The following LRMDA variants were observed in gnomAD, a reference collection of about 807,000 sequenced individuals.
LRMDA encodes leucine-rich melanocyte differentiation-associated protein.
A neutral mutation model predicts 29.8 loss-of-function variants in LRMDA; 18 were observed. The ratio of observed to expected loss-of-function variants is 0.60; its 90% CI spans 0.42 to 0.90. LRMDA has a LOEUF of 0.90. Ranked by LOEUF, LRMDA falls within the 40% of genes least tolerant of loss-of-function variation. The pLI, the probability that LRMDA is intolerant of heterozygous loss-of-function variation, is 0.00. For synonymous variants in LRMDA, 125 were observed against 109.4 expected (o/e 1.14, Z -0.89); for missense variants, 273 against 273.9 (o/e 1.00, Z 0.02).
At chr10:76,017,624 G>C (rs1847899773) in intron 2 of LRMDA, among the ~76,000 whole-genome samples, 1 of 152,214 alleles carries the variant, frequency 6.6e-6, no homozygotes, top group South Asian at 2.1e-4. Flanking sequence ...AAAGGTGTCT[G>C]TGTGGGAAGG....
chr10:76,079,463 C>T (rs764139445), intron 5 of LRMDA, among the ~76,000 whole-genome samples: 1 of 152,086 alleles, frequency 6.6e-6, no homozygotes, highest in Non-Finnish European at 1.5e-5. Context: ...GGGTGGGTCT[C>T]TTCAGATGTA....
intron 6 of LRMDA, among the ~76,000 whole-genome samples, chr10:76,467,807 G>A (rs774522743): frequency 6.6e-6 from 1 of 152,156 alleles, no homozygotes; most frequent in African/African-American, 2.4e-5. Context: ...TATTTGGCAT[G>A]CCAGCTTGGG....
intron 6 of LRMDA, among the ~76,000 whole-genome samples, chr10:76,382,505 A>G (rs118179464): frequency 1.5e-3 from 225 of 152,336 alleles, no homozygotes; most frequent in Admixed American, 5.3e-3. Flanking sequence ...TAAACGACCC[A>G]TGGTAAAGCA....
chr10:75,431,740 G>A lies in LRMDA; in HGVS notation c.16G>A (p.Val6Met). The A allele has an allele frequency of 7.3e-7, 1 of 1,373,036 alleles. No homozygotes were observed. The highest frequency in any genetic ancestry group is 9.5e-7 in the Non-Finnish European group (1 of 1,058,172). The allele number at this position is 1,373,036 out of a possible 1,614,324, so 85.1% of individuals were successfully genotyped here. A position where few individuals can be genotyped will look rare whatever the true frequency, so the allele number is the denominator to read the frequency against. Reference protein sequence around the residue: MAGLVVRGTQVSYIGQ... With the variant: MAGLVMRGTQVSYIGQ... Reference sequence around the variant, plus strand: ...CCTGGCCGCCATGGCCGGGCTCGTGGTGCGTGGAACTCAAGTAAGTCCCGG... The same window carrying A: ...CCTGGCCGCCATGGCCGGGCTCGTGATGCGTGGAACTCAAGTAAGTCCCGG... Residue 6 changes from valine to methionine, a missense_variant, in exon 1 of 7, where the codon GTG becomes ATG. Coordinates refer to ENST00000611255, the MANE Select transcript of LRMDA (RefSeq NM_001305581.2).
At chr10:76,435,649 C>A (rs910051574) in intron 6 of LRMDA, among the ~76,000 whole-genome samples, 6 of 152,162 alleles carry the variant, frequency 3.9e-5, no homozygotes, top group African/African-American at 1.4e-4. Context: ...TGAAAGACTT[C>A]ATAGAATCAC....
At chr10:76,515,767 G>A (rs184650178) in intron 6 of LRMDA, among the ~76,000 whole-genome samples, 3 of 152,148 alleles carry the variant, frequency 2.0e-5, no homozygotes, top group African/African-American at 7.2e-5. Flanking sequence ...GCCTCCCAAA[G>A]TGTTGGGATT....
intron 2 of LRMDA, among the ~76,000 whole-genome samples, chr10:75,602,381 C>G (rs7068272): frequency 0.14 from 21,010 of 152,100 alleles, 4,606 homozygotes; most frequent in African/African-American, 0.46. Context: ...AATTCCATTT[C>G]AATTGTGTGT....
At chr10:75,541,542 G>A (rs1840015076) in intron 2 of LRMDA, among the ~76,000 whole-genome samples, 1 of 151,968 alleles carries the variant, frequency 6.6e-6, no homozygotes, top group Admixed American at 6.6e-5. Context: ...TTAATCTGGG[G>A]CACAGTAGGG....
At chr10:76,095,944 G>GA (rs759972561) in intron 5 of LRMDA, among the ~76,000 whole-genome samples, 314 of 127,806 alleles carry the variant, frequency 2.5e-3, no homozygotes, top group Admixed American at 2.8e-3. Context: ...CTCCGTCTCA[G>GA]AAAAAAAAAA....
intron 2 of LRMDA, among the ~76,000 whole-genome samples, chr10:75,780,034 G>A (rs1477333385): frequency 6.6e-6 from 1 of 152,136 alleles, no homozygotes; most frequent in Admixed American, 6.5e-5. Context: ...GCCATATGAA[G>A]ATAGGAAGAG....
chr10:75,562,507 T>C (rs1289239790), intron 2 of LRMDA, among the ~76,000 whole-genome samples: 3 of 152,158 alleles, frequency 2.0e-5, no homozygotes, highest in East Asian at 1.9e-4. Context: ...TGTCTTTTAA[T>C]TGGAGCATTT....
chr10:75,834,419 T>C (rs1844397883), intron 2 of LRMDA, among the ~76,000 whole-genome samples: 1 of 152,230 alleles, frequency 6.6e-6, no homozygotes, highest in Non-Finnish European at 1.5e-5. Flanking sequence ...GCTTTCTTTC[T>C]AGAGTATCCC....
At chr10:75,556,722 G>GACACCTGAAACACAT (rs1840218326) in intron 2 of LRMDA, among the ~76,000 whole-genome samples, 1 of 151,434 alleles carries the variant, frequency 6.6e-6, no homozygotes, top group Non-Finnish European at 1.5e-5. Context: ...CATAAGGGGT[G>GACACCTGAAACACAT]GGGTAACAGA....
intron 5 of LRMDA, among the ~76,000 whole-genome samples, chr10:76,311,360 G>A (rs1019594508): frequency 6.6e-6 from 1 of 152,006 alleles, no homozygotes; most frequent in Non-Finnish European, 1.5e-5. Context: ...CTAATATGAA[G>A]AGTCAATTAA....
chr10:76,091,167 G>T lies in LRMDA; in HGVS notation c.516+32384G>T, dbSNP rs1445323020. On this transcript the variant is annotated intron_variant, in intron 5 of 6. Transcript: ENST00000611255. ...CTGTGAAATAATATCTGCTGTAAGG[G>T]TTGTAAAATAGCGAGTACTCAATAA... Among the ~76,000 whole-genome samples the T allele has an allele frequency of 2.0e-5, 3 of 152,236 alleles. No homozygotes were observed. In the South Asian group the frequency reaches 6.2e-4, roughly 32 times the overall value.
rs1049654929 is a variant in LRMDA at position 76,149,801 on chromosome 10, G to A, written c.516+91018G>A. On this transcript the variant is annotated intron_variant, in intron 5 of 6. Coordinates refer to ENST00000611255, the MANE Select transcript of LRMDA (RefSeq NM_001305581.2). Reference sequence around the variant, plus strand: ...TAAAATGCAAATGTCCCTGGAGGGGGTGGGGAGAGCCTTTAAGCTCATTAT... The same window carrying A: ...TAAAATGCAAATGTCCCTGGAGGGGATGGGGAGAGCCTTTAAGCTCATTAT... Among the ~76,000 whole-genome samples the A allele has an allele frequency of 4.6e-5, 7 of 152,290 alleles. No homozygotes were observed. The East Asian group carries it at 1.4e-3, about 29-fold the overall frequency.
chr10:76,312,302 A>T (rs1245689985), intron 5 of LRMDA, among the ~76,000 whole-genome samples: 1 of 152,168 alleles, frequency 6.6e-6, no homozygotes, highest in Non-Finnish European at 1.5e-5. Flanking sequence ...TATTTCCATT[A>T]TGAACTGGGC....
intron 3 of LRMDA, among the ~76,000 whole-genome samples, chr10:76,044,382 C>G (rs1251674909): frequency 4.6e-5 from 7 of 151,592 alleles, no homozygotes; most frequent in Admixed American, 6.5e-5. Context: ...GCACAGGGCA[C>G]CTGAGGTGTC....
chr10:76,287,295 C>T (rs1265093594), intron 5 of LRMDA, among the ~76,000 whole-genome samples: 1 of 152,062 alleles, frequency 6.6e-6, no homozygotes, highest in Non-Finnish European at 1.5e-5. Context: ...TCTATCTAAA[C>T]ATCCCATTTG....
Sources: allele counts gnomAD v4.1 joint callset (sites outside exome capture counted in the v4.1 genomes callset), GRCh38; gene constraint gnomAD v4.1.1; transcripts MANE v1.5; gene names NCBI Gene and HGNC (gene_info 2026-07-23, HGNC 2026-07-21).